The following BTBD16 variants were observed in gnomAD, a reference collection of about 807,000 sequenced individuals.
BTBD16 encodes the protein BTB/POZ domain-containing protein 16.
BTBD16 carries 66 observed loss-of-function variants against 67.4 expected under a neutral mutation model. The ratio of observed to expected loss-of-function variants is 0.98; its 90% CI spans 0.80 to 1.20. BTBD16 has a LOEUF of 1.20. BTBD16 is among the 50% of genes most tolerant of loss of function. BTBD16 has a pLI of 0.00. For synonymous variants in BTBD16, 242 were observed against 236.4 expected (o/e 1.02, Z -0.22); for missense variants, 634 against 616.0 (o/e 1.03, Z -0.31).
chr10:122,316,826 T>C (rs1391706844), intron 10 of BTBD16, among the ~76,000 whole-genome samples: 1 of 152,054 alleles, frequency 6.6e-6, no homozygotes, highest in African/African-American at 2.4e-5. Flanking sequence ...TTCACTCTTG[T>C]TGCCTAGGCT....
chr10:122,308,036 A>G (rs537696643), intron 10 of BTBD16, among the ~76,000 whole-genome samples: 43 of 152,164 alleles, frequency 2.8e-4, no homozygotes, highest in South Asian at 1.0e-3. Context: ...TTGAACCCAA[A>G]TGTTTTACCC....
intron 3 of BTBD16, among the ~76,000 whole-genome samples, 191 bp from the exon 4 acceptor site, chr10:122,283,660 C>T (rs1226401894): frequency 6.6e-6 from 1 of 152,134 alleles, no homozygotes; most frequent in African/African-American, 2.4e-5. Context: ...ACATTATGAG[C>T]CAGCTATCAG....
intron 10 of BTBD16, among the ~76,000 whole-genome samples, chr10:122,324,321 C>T (rs761283264): frequency 1.3e-5 from 2 of 152,158 alleles, no homozygotes; most frequent in Admixed American, 6.5e-5. Context: ...CCCAAGGGAC[C>T]GCAGGGGGAA....
intron 10 of BTBD16, among the ~76,000 whole-genome samples, chr10:122,315,818 GCT>G (rs1461148142): frequency 5.9e-5 from 9 of 152,048 alleles, no homozygotes; most frequent in Non-Finnish European, 4.4e-5. Flanking sequence ...TCTTTTTAGA[GCT>G]TTTTTGAGGA....
At chr10:122,312,529 G>C (rs995263899) in intron 10 of BTBD16, among the ~76,000 whole-genome samples, 20 of 151,938 alleles carry the variant, frequency 1.3e-4, no homozygotes, top group African/African-American at 4.8e-4. Context: ...GGCCAGGCTG[G>C]TCTTGAACTC....
At chr10:122,304,109 C>T (rs992664730) in intron 9 of BTBD16, among the ~76,000 whole-genome samples, 2 of 152,158 alleles carry the variant, frequency 1.3e-5, no homozygotes, top group Admixed American at 6.5e-5. Flanking sequence ...TGACAAAGTT[C>T]TTCACAGGGA....
chr10:122,313,541 G>A (rs1195706061), intron 10 of BTBD16, among the ~76,000 whole-genome samples: 2 of 152,164 alleles, frequency 1.3e-5, no homozygotes, highest in East Asian at 3.8e-4. Flanking sequence ...GGGATTACAG[G>A]CATGAGCCAC....
chr10:122,293,418 C>T (rs897577602), intron 7 of BTBD16, among the ~76,000 whole-genome samples: 2 of 152,132 alleles, frequency 1.3e-5, no homozygotes, highest in South Asian at 2.1e-4. Context: ...GTGGCAGCCT[C>T]GTTGGGAACG....
chr10:122,311,662 A>T (rs896720794), intron 10 of BTBD16, among the ~76,000 whole-genome samples: 3 of 152,226 alleles, frequency 2.0e-5, no homozygotes, highest in African/African-American at 7.2e-5. Context: ...AAATCAAGGC[A>T]TAAAATACAG....
chr10:122,281,386 T>C (rs1030082337), intron 3 of BTBD16, among the ~76,000 whole-genome samples: 1 of 152,076 alleles, frequency 6.6e-6, no homozygotes, highest in African/African-American at 2.4e-5. Context: ...TTTTTTTGTT[T>C]TGTTTTTTTA....
intron 13 of BTBD16, among the ~76,000 whole-genome samples, chr10:122,334,393 C>T (rs2096459875): frequency 6.8e-6 from 1 of 147,302 alleles, no homozygotes; most frequent in Admixed American, 6.8e-5. Context: ...GACGAGGTTT[C>T]ACCATGTTAG....
chr10:122,274,889 C>T (rs2096337091), intron 1 of BTBD16, among the ~76,000 whole-genome samples, 151 bp from the exon 2 acceptor site: 1 of 152,192 alleles, frequency 6.6e-6, no homozygotes. Context: ...ACCCCAGCAA[C>T]AACAAGATAT....
chr10:122,328,775 A>T (rs1463176540), intron 10 of BTBD16: 4 of 985,316 alleles, frequency 4.1e-6, no homozygotes, highest in Non-Finnish European at 4.8e-6. Context: ...AAAGAAGGGC[A>T]GGGAATGCGT....
At chr10:122,303,473 G>C (rs2096397835) in intron 9 of BTBD16, 1 of 152,346 alleles carries the variant, frequency 6.6e-6, no homozygotes. Context: ...TTGAATGAAT[G>C]CACAACGATC....
intron 10 of BTBD16, chr10:122,328,660 C>T (rs927653943): frequency 4.2e-6 from 3 of 710,760 alleles, no homozygotes; most frequent in East Asian, 2.6e-4. Flanking sequence ...CCTATGCAGG[C>T]TCTGCCTTGA....
At position 122,307,108 on chromosome 10, in the gene BTBD16, C is replaced by T; in HGVS notation, c.792-81C>T. Reference sequence around the variant, plus strand: ...AATGTGGTGTCACCTCATTCCCAAACTCATTCTAACCAGCTTCTTACAAGC... The same window carrying T: ...AATGTGGTGTCACCTCATTCCCAAATTCATTCTAACCAGCTTCTTACAAGC... On this transcript the variant is annotated intron_variant, in intron 9 of 15. Coordinates refer to ENST00000260723, the MANE Select transcript of BTBD16 (RefSeq NM_144587.5). The T allele has an allele frequency of 2.7e-6, 4 of 1,489,258 alleles. No homozygotes were observed. The South Asian group carries it at 5.6e-5, about 21-fold the overall frequency. The allele number at this position is 1,489,258 out of a possible 1,614,324, so 92.3% of individuals were successfully genotyped here. A position where few individuals can be genotyped will look rare whatever the true frequency, so the allele number is the denominator to read the frequency against.
chr10:122,291,507 C>A, intron 7 of BTBD16: 1 of 230,808 alleles, frequency 4.3e-6, no homozygotes, highest in Non-Finnish European at 8.4e-6. Flanking sequence ...AGCCCCCAAA[C>A]CAGGCTTGCT....
At chr10:122,291,330 G>A in intron 7 of BTBD16, 136 bp downstream of exon 7, 1 of 1,182,580 alleles carries the variant, frequency 8.5e-7, no homozygotes, top group Non-Finnish European at 1.1e-6. Context: ...GCATGGCCTT[G>A]AGCCTGGAAA....
Position 122,274,945 on chromosome 10 carries a change from G to A in BTBD16, c.-42-95G>A, listed in dbSNP as rs1047127346. 5.2e-6 allele frequency: 4 copies of A among 770,252 alleles called. No individual in the cohort carries two copies. In the African/African-American group the frequency reaches 5.2e-5, roughly 10 times the overall value. The allele number at this position is 770,252 out of a possible 1,614,324, so 47.7% of individuals were successfully genotyped here. The stretch of plus-strand genomic sequence containing the variant: ...CCACATTCGAGGCTTATTCATTATT[G>A]TTCCTGTGGCAAAGTATAGATTCTT... On this transcript the variant is annotated intron_variant, in intron 1 of 15. Coordinates refer to ENST00000260723, the MANE Select transcript of BTBD16 (RefSeq NM_144587.5).
Sources: allele counts gnomAD v4.1 joint callset (sites outside exome capture counted in the v4.1 genomes callset), GRCh38; gene constraint gnomAD v4.1.1; transcripts MANE v1.5; gene names NCBI Gene and HGNC (gene_info 2026-07-23, HGNC 2026-07-21).